Variants in FAT3 observed in about 807,000 individuals in gnomAD.
The protein encoded by FAT3 is FAT atypical cadherin 3.
In FAT3, 95 loss-of-function variants were observed where a neutral mutation model predicts 310.2. The observed-to-expected ratio is 0.31, with a 90% CI of 0.26 to 0.36. The LOEUF (loss-of-function observed/expected upper bound fraction) is 0.36. Ranked by LOEUF, FAT3 falls within the 10% of genes least tolerant of loss-of-function variation. The pLI is 1.00. For missense variants in FAT3, 5,408 were observed against 5,715.6 expected, an observed-to-expected ratio of 0.95 and a Z score of 1.74; for synonymous variants, 2,314 against 2,192.9, an observed-to-expected ratio of 1.06 and a Z score of -1.54.
chr11:92,359,260 C>G (rs1948814696), intron 2 of FAT3, among the ~76,000 whole-genome samples: 2 of 152,204 alleles, frequency 1.3e-5, no homozygotes, highest in South Asian at 4.1e-4. Context: ...TTTTAAAAGG[C>G]AGATACTTGA....
rs529043875 is a variant in FAT3, at chr11:92,486,173, T to C, written c.3293-38461T>C. ...TTTTTTTTTTTGGTAGACTCATCTT[T>C]GTTTTGCTTTAATTTGCTCTCAGAA... is the stretch of plus-strand genomic sequence containing the variant. On this transcript the variant is annotated intron_variant, in intron 2 of 27. Transcript: ENST00000525166. Among the ~76,000 whole-genome samples the C allele has an allele frequency of 4.4e-5, 6 of 136,334 alleles. No individual in the cohort carries two copies. In the East Asian group the frequency reaches 9.5e-4, roughly 21 times the overall value. The allele number at this position is 136,334 out of a possible 152,430, so 89.4% of individuals were successfully genotyped here.
chr11:92,854,195 GA>G (rs1333116464), intron 19 of FAT3, among the ~76,000 whole-genome samples: 5 of 152,242 alleles, frequency 3.3e-5, no homozygotes, highest in Non-Finnish European at 5.9e-5. Context: ...GGTTGCGACA[GA>G]ACCCAGGTTT....
intron 2 of FAT3, among the ~76,000 whole-genome samples, chr11:92,444,483 C>A (rs76891293): frequency 0.015 from 2,329 of 152,006 alleles, 64 homozygotes; most frequent in African/African-American, 0.054. Context: ...GGACCAGTGT[C>A]CTGCGCAGAG....
chr11:92,515,884 A>G (rs1338416249), intron 2 of FAT3, among the ~76,000 whole-genome samples: 1 of 152,066 alleles, frequency 6.6e-6, no homozygotes, highest in Non-Finnish European at 1.5e-5. Flanking sequence ...TGATATGATC[A>G]TCTATGTACA....
chr11:92,643,571 G>T (rs1046641564), intron 3 of FAT3, among the ~76,000 whole-genome samples: 1 of 152,196 alleles, frequency 6.6e-6, no homozygotes, highest in Non-Finnish European at 1.5e-5. Context: ...CAAGGAGGAT[G>T]ATGAGGGTAA....
chr11:92,360,946 A>T (rs1311440285), intron 2 of FAT3, among the ~76,000 whole-genome samples: 1 of 152,168 alleles, frequency 6.6e-6, no homozygotes. Flanking sequence ...CTTCTTTTCC[A>T]GTCCAGCATG....
Position 92,355,077 on chromosome 11 carries a change from A to G in FAT3, c.2965A>G (p.Ser989Gly). 6.2e-7 allele frequency: 1 copy of G among 1,613,752 alleles called. No individual in the cohort carries two copies. The change falls in exon 2 of 28, where the codon AGT becomes GGT. Residue 989 changes from serine to glycine, a missense_variant. By Grantham distance (56) the Ser-to-Gly change is moderately conservative. Around this residue, in one of 5 missense-constraint regions of FAT3, gnomAD observed 4,588 missense variants for 4,809.8 expected, o/e 0.95. Coordinates refer to ENST00000525166, the MANE Select transcript of FAT3 (RefSeq NM_001367949.2). ...YNGRFEIDKA[S>G]GAIRLSKELD... ...TGGGAGATTTGAAATAGATAAAGCA[A>G]GTGGTGCCATCCGCTTGAGCAAAGA...
chr11:92,823,602 C>T (rs985045775), intron 13 of FAT3, among the ~76,000 whole-genome samples: 1 of 152,066 alleles, frequency 6.6e-6, no homozygotes, highest in African/African-American at 2.4e-5. Context: ...TTGCTCCTAC[C>T]CAGCAGAGCT....
intron 3 of FAT3, among the ~76,000 whole-genome samples, chr11:92,692,451 A>G (rs2135892291): frequency 6.6e-6 from 1 of 152,242 alleles, no homozygotes; most frequent in African/African-American, 2.4e-5. Flanking sequence ...ATTAGAGCAA[A>G]ATGTTGTGTG....
intron 3 of FAT3, among the ~76,000 whole-genome samples, chr11:92,550,232 G>T (rs662534): frequency 0.41 from 61,712 of 151,894 alleles, 12,988 homozygotes; most frequent in Middle Eastern, 0.54. Flanking sequence ...TCCAAAAGGG[G>T]TCTTTTTTTC....
At chr11:92,637,893 T>A (rs988241428) in intron 3 of FAT3, among the ~76,000 whole-genome samples, 1 of 152,216 alleles carries the variant, frequency 6.6e-6, no homozygotes, top group Non-Finnish European at 1.5e-5. Context: ...CATATGGAGT[T>A]CCTGGAAATA....
chr11:92,326,463 T>C (rs1253618753), intron 1 of FAT3, among the ~76,000 whole-genome samples: 2 of 152,256 alleles, frequency 1.3e-5, no homozygotes, highest in Admixed American at 6.5e-5. Flanking sequence ...TTAATGTCTG[T>C]ATTACTTATT....
chr11:92,789,480 A>G (rs1353344619), intron 7 of FAT3, among the ~76,000 whole-genome samples: 14 of 152,172 alleles, frequency 9.2e-5, no homozygotes, highest in Non-Finnish European at 1.6e-4. Context: ...ACTGCCACTG[A>G]GAAGCTGTGA....
chr11:92,513,066 G>C, intron 2 of FAT3, among the ~76,000 whole-genome samples: 1 of 42,248 alleles, frequency 2.4e-5, no homozygotes, highest in African/African-American at 1.4e-4. Context: ...AGCTTGCAGT[G>C]AGCCGAGATC....
intron 3 of FAT3, among the ~76,000 whole-genome samples, chr11:92,553,901 G>A (rs968641861): frequency 7.2e-5 from 11 of 151,730 alleles, no homozygotes; most frequent in African/African-American, 2.7e-4. Flanking sequence ...TGCCTACCAG[G>A]TTCAAGTGGT....
chr11:92,761,834 C>T (rs758190731), intron 4 of FAT3, 22 bp from the exon 5 acceptor site: 3 of 1,595,998 alleles, frequency 1.9e-6, no homozygotes, highest in African/African-American at 1.3e-5. Flanking sequence ...CCTTTCTGAT[C>T]ACATCATACT....
chr11:92,693,437 G>GA (rs1333715862), intron 3 of FAT3, among the ~76,000 whole-genome samples: 1 of 152,210 alleles, frequency 6.6e-6, no homozygotes, highest in Non-Finnish European at 1.5e-5. Flanking sequence ...AGTGGTTGAG[G>GA]AGGGAGGTTG....
chr11:92,699,695 T>G (rs1944039673), intron 4 of FAT3, among the ~76,000 whole-genome samples: 1 of 152,204 alleles, frequency 6.6e-6, no homozygotes, highest in African/African-American at 2.4e-5. Context: ...TTAGGGATAT[T>G]CAACTTGTAT....
In FAT3 at chr11:92,805,140, T is replaced by G; in HGVS notation, c.8897-13T>G. 1 of 1,601,076 alleles carries G rather than the reference T, an allele frequency of 6.2e-7. No individual in the cohort carries two copies. Among genetic ancestry groups the G allele is most frequent in the Non-Finnish European group, 8.5e-7 (1 of 1,173,082 alleles). On this transcript the variant is annotated splice_polypyrimidine_tract_variant and intron_variant, in intron 10 of 27. Transcript: ENST00000525166. Reference sequence around the variant, plus strand: ...GCACATCTTCAAAAGCTCTTTTGTTTTTTTAACTGCAGGAGGAAACCCTCG... The same window carrying G: ...GCACATCTTCAAAAGCTCTTTTGTTGTTTTAACTGCAGGAGGAAACCCTCG...
Sources: gnomAD v4.1 joint callset for allele counts (sites outside exome capture counted in the v4.1 genomes callset) on GRCh38, gnomAD v4.1.1 for gene constraint, gnomAD v4.1.1 regional missense constraint, MANE v1.5 for transcripts, NCBI Gene and HGNC (gene_info 2026-07-23, HGNC 2026-07-21) for gene names.